The following SUPT3H variants were observed in gnomAD, a reference collection of about 807,000 sequenced individuals.
SUPT3H encodes the protein transcription initiation protein SPT3 homolog.
In SUPT3H, 44 loss-of-function variants were observed where a neutral mutation model predicts 44.3. The observed-to-expected ratio is 0.99, with a 90% CI of 0.78 to 1.28. The LOEUF is 1.28. Ranked by LOEUF, SUPT3H falls within the 50% of genes most tolerant of loss-of-function variation. The pLI is 0.00. For missense variants in SUPT3H, 380 were observed against 387.1 expected (o/e 0.98, Z 0.15); for synonymous variants, 124 against 125.6 (o/e 0.99, Z 0.09).
intron 10 of SUPT3H, among the ~76,000 whole-genome samples, chr6:44,907,404 T>C (rs1766281967): frequency 6.6e-6 from 1 of 152,122 alleles, no homozygotes; most frequent in Admixed American, 6.6e-5. Context: ...TGGCCGGGCA[T>C]GGTAACTCAT....
chr6:45,158,201 G>GAGATAGCTAGATAGAT (rs1322602466), intron 2 of SUPT3H, among the ~76,000 whole-genome samples: 1 of 121,946 alleles, frequency 8.2e-6, no homozygotes, highest in African/African-American at 3.2e-5. Context: ...AGAAACCATA[G>GAGATAGCTAGATAGAT]AGATAGATAG....
intron 10 of SUPT3H, among the ~76,000 whole-genome samples, chr6:44,925,606 C>T (rs1008992126): frequency 6.6e-6 from 1 of 152,218 alleles, no homozygotes; most frequent in Non-Finnish European, 1.5e-5. Flanking sequence ...TACAGCACTT[C>T]CCATTGAGAG....
At chr6:44,868,546 GT>G (rs1775865058) in intron 10 of SUPT3H, among the ~76,000 whole-genome samples, 1 of 134,740 alleles carries the variant, frequency 7.4e-6, no homozygotes, top group Admixed American at 7.9e-5. Flanking sequence ...TGTCCATTTT[GT>G]CATGCTATGG....
At chr6:44,992,950 G>A (rs1780789217) in intron 6 of SUPT3H, among the ~76,000 whole-genome samples, 2 of 152,060 alleles carry the variant, frequency 1.3e-5, no homozygotes, top group East Asian at 3.9e-4. Flanking sequence ...GATTGCTTGA[G>A]CCCAGGAGTT....
chr6:45,117,306 C>T (rs1349673339), intron 2 of SUPT3H, among the ~76,000 whole-genome samples: 1 of 152,008 alleles, frequency 6.6e-6, no homozygotes, highest in East Asian at 1.9e-4. Context: ...TGAAATATAA[C>T]TCTCCATCTC....
chr6:45,178,319 G>C (rs1010901106), intron 2 of SUPT3H, among the ~76,000 whole-genome samples: 1 of 151,218 alleles, frequency 6.6e-6, no homozygotes, highest in Non-Finnish European at 1.5e-5. Context: ...AAAGAGACAA[G>C]GCCATTACAT....
At chr6:45,033,330 C>T (rs879698328) in intron 3 of SUPT3H, among the ~76,000 whole-genome samples, 3 of 152,006 alleles carry the variant, frequency 2.0e-5, no homozygotes, top group African/African-American at 4.8e-5. Flanking sequence ...TTTAAAAAAT[C>T]TATTATTTTT....
intron 2 of SUPT3H, among the ~76,000 whole-genome samples, chr6:45,268,724 C>G (rs1015442987): frequency 1.4e-4 from 21 of 152,180 alleles, no homozygotes; most frequent in African/African-American, 5.1e-4. Context: ...AAAACCATAA[C>G]TATTCAACAA....
chr6:45,345,500 CCTG>C lies in SUPT3H; in HGVS notation c.101+19698_101+19700del, dbSNP rs557522169. On this transcript the variant is annotated intron_variant, in intron 2 of 10. Coordinates refer to ENST00000371459, the MANE Select transcript of SUPT3H (RefSeq NM_003599.4). ...TACAAATGATAAACCAACGCTCAAA[CCTG>C]CAGCTTAATGGCACGATCAGCTTGC... 1.5e-3 allele frequency among the ~76,000 whole-genome samples: 230 copies of C among 152,262 alleles called. 2 individuals carry two copies. Among genetic ancestry groups the C allele is most frequent in the African/African-American group, 5.4e-3 (224 of 41,538 alleles).
chr6:44,966,440 A>C (rs1343130481), intron 6 of SUPT3H, among the ~76,000 whole-genome samples: 1 of 150,820 alleles, frequency 6.6e-6, no homozygotes, highest in Non-Finnish European at 1.5e-5. Context: ...CATATTTAAA[A>C]TATTTATAAA....
At chr6:45,200,108 T>A (rs986089500) in intron 2 of SUPT3H, among the ~76,000 whole-genome samples, 1 of 151,348 alleles carries the variant, frequency 6.6e-6, no homozygotes, top group Admixed American at 6.6e-5. Flanking sequence ...TAGAGAAAAA[T>A]GAAAAGCAAA....
intron 2 of SUPT3H, among the ~76,000 whole-genome samples, chr6:45,297,802 C>G (rs1781531636): frequency 6.6e-6 from 1 of 152,140 alleles, no homozygotes; most frequent in African/African-American, 2.4e-5. Context: ...GAAAACTTAG[C>G]ACAGAGTAGA....
intron 10 of SUPT3H, among the ~76,000 whole-genome samples, chr6:44,894,067 T>C (rs553142393): frequency 0.016 from 2,168 of 136,004 alleles, 64 homozygotes; most frequent in African/African-American, 0.053. Context: ...TTTGATGGGG[T>C]TGTTTGTTTT....
intron 9 of SUPT3H, among the ~76,000 whole-genome samples, chr6:44,951,396 T>C (rs765257383): frequency 6.6e-6 from 1 of 152,166 alleles, no homozygotes; most frequent in Non-Finnish European, 1.5e-5. Flanking sequence ...AGAGTCCCAC[T>C]TTGGACTCAA....
rs143316083 is a variant in SUPT3H, at chr6:45,307,806, C to T, written c.101+57395G>A. Among the ~76,000 whole-genome samples, 864 of 152,262 alleles carry T rather than the reference C, an allele frequency of 5.7e-3. 12 individuals are homozygous for T. Among genetic ancestry groups the T allele is most frequent in the African/African-American group, 0.019 (792 of 41,550 alleles). On this transcript the variant is annotated intron_variant, in intron 2 of 10. Transcript: ENST00000371459. Reference sequence around the variant, plus strand: ...CGAGTTGAGAGAAGAAGGCTTCAGACGATCAAGCTTCTCCGAGCTAAAGGA... The same window carrying T: ...CGAGTTGAGAGAAGAAGGCTTCAGATGATCAAGCTTCTCCGAGCTAAAGGA...
At chr6:44,972,524 C>T (rs1777731117) in intron 6 of SUPT3H, among the ~76,000 whole-genome samples, 2 of 152,136 alleles carry the variant, frequency 1.3e-5, no homozygotes, top group Admixed American at 1.3e-4. Context: ...GTGGATCTAC[C>T]ATTCTGCGAT....
chr6:44,923,578 G>A (rs935053544), intron 10 of SUPT3H, among the ~76,000 whole-genome samples: 1 of 152,012 alleles, frequency 6.6e-6, no homozygotes, highest in Admixed American at 6.6e-5. Flanking sequence ...GTCCTGTGCT[G>A]AACTAAATTT....
At chr6:44,966,337 A>T (rs891181647) in intron 6 of SUPT3H, among the ~76,000 whole-genome samples, 5 of 151,492 alleles carry the variant, frequency 3.3e-5, no homozygotes, top group South Asian at 2.1e-4. Context: ...AATGAACATA[A>T]TTTTTTTTAT....
At chr6:45,249,205 C>G (rs1288961128) in intron 2 of SUPT3H, among the ~76,000 whole-genome samples, 1 of 152,104 alleles carries the variant, frequency 6.6e-6, no homozygotes, top group Admixed American at 6.5e-5. Context: ...CCCTCATTTT[C>G]TGATTTACTA....
Sources: gnomAD v4.1 joint callset for allele counts (sites outside exome capture counted in the v4.1 genomes callset) on GRCh38, gnomAD v4.1.1 for gene constraint, MANE v1.5 for transcripts, NCBI Gene and HGNC (gene_info 2026-07-23, HGNC 2026-07-21) for gene names.